The following F13A1 variants were observed in gnomAD, a reference collection of about 807,000 sequenced individuals.
F13A1 encodes coagulation factor XIII A chain.
F13A1 carries 47 observed loss-of-function variants against 80.1 expected under a neutral mutation model. The ratio of observed to expected loss-of-function variants is 0.59; its 90% CI spans 0.46 to 0.75. The LOEUF is 0.75. Among genes scored for constraint, F13A1 ranks in the 30% least tolerant of loss-of-function variants. F13A1 has a pLI of 0.00. For missense variants in F13A1, 817 were observed against 930.4 expected (o/e 0.88, Z 1.59); for synonymous variants, 349 against 344.9 (o/e 1.01, Z -0.13).
chr6:6,313,667 G>A (rs1758638838), intron 2 of F13A1, among the ~76,000 whole-genome samples: 1 of 93,810 alleles, frequency 1.1e-5, no homozygotes, highest in African/African-American at 5.3e-5. Flanking sequence ...TGCTATCCAT[G>A]AGAAACTGAT....
chr6:6,203,762 C>T (rs966225211), intron 8 of F13A1, among the ~76,000 whole-genome samples: 1 of 151,914 alleles, frequency 6.6e-6, no homozygotes, highest in Non-Finnish European at 1.5e-5. Context: ...TACTTTGGTA[C>T]TTTGGTATGC....
chr6:6,188,105 C>A (rs1453536500), intron 10 of F13A1, among the ~76,000 whole-genome samples: 2 of 151,826 alleles, frequency 1.3e-5, no homozygotes, highest in African/African-American at 4.8e-5. Flanking sequence ...CTATTTGATT[C>A]TTCTCTCTTT....
chr6:6,193,536 C>T (rs1216057624), intron 10 of F13A1, among the ~76,000 whole-genome samples: 2 of 152,180 alleles, frequency 1.3e-5, no homozygotes, highest in African/African-American at 4.8e-5. Flanking sequence ...AATGGCTCAG[C>T]CCCTGGAGCG....
rs1757615467 is a variant in F13A1, at chr6:6,250,454, C to T, written c.690+357G>A. 6.6e-6 allele frequency among the ~76,000 whole-genome samples: 1 copy of T among 151,906 alleles called. No homozygotes were observed. The highest frequency in any genetic ancestry group is 6.6e-5 in the Admixed American group (1 of 15,262). On this transcript the variant is annotated intron_variant, in intron 5 of 14. Coordinates refer to ENST00000264870, the MANE Select transcript of F13A1 (RefSeq NM_000129.4). This position sits in a 1 kb window ranked among gnomAD's most constrained non-coding sequence, Gnocchi z 4.2. ...AGCTATTTCTTTGAATTGGGCACAC[C>T]CCTTGCAGTATTCTTTGCATCACTT...
intron 6 of F13A1, among the ~76,000 whole-genome samples, chr6:6,244,559 C>G (rs999027996): frequency 3.9e-5 from 6 of 152,158 alleles, no homozygotes; most frequent in African/African-American, 1.4e-4. Flanking sequence ...TCCAGATTGT[C>G]ATAACTTTTC....
intron 8 of F13A1, among the ~76,000 whole-genome samples, chr6:6,209,177 A>G (rs1012114401): frequency 1.3e-5 from 2 of 152,156 alleles, no homozygotes; most frequent in Non-Finnish European, 1.5e-5. Flanking sequence ...GGACAAAAAT[A>G]TGAATAACCA....
intron 10 of F13A1, among the ~76,000 whole-genome samples, chr6:6,184,476 G>A (rs1050198962): frequency 6.6e-6 from 1 of 152,206 alleles, no homozygotes; most frequent in Admixed American, 6.5e-5. Context: ...GCCACATGTT[G>A]TGAAAGGCTG....
At chr6:6,146,440 G>C (rs149648845) in intron 14 of F13A1, among the ~76,000 whole-genome samples, 3 of 152,244 alleles carry the variant, frequency 2.0e-5, no homozygotes, top group East Asian at 3.9e-4. Context: ...AGCCTTTCAT[G>C]GTTCTAGTGT....
At chr6:6,159,749 A>G (rs1196794436) in intron 13 of F13A1, among the ~76,000 whole-genome samples, 3 of 152,046 alleles carry the variant, frequency 2.0e-5, no homozygotes, top group Non-Finnish European at 2.9e-5. Flanking sequence ...TTCCCCACCA[A>G]TCAGTGCTGG....
rs1171789686 is a variant in F13A1 at position 6,174,567 on chromosome 6, A to T, written c.1747+13T>A. 1.2e-6 allele frequency: 2 copies of T among 1,613,948 alleles called. No homozygotes were observed. The highest frequency in any genetic ancestry group is 2.7e-5 in the African/African-American group (2 of 74,918). ...AGCGAGTCTCAGAAAGAACCACACC[A>T]TTGTTAGCTTACAGGACAAGGGCTC... On this transcript the variant is annotated intron_variant, in intron 12 of 14. Transcript: ENST00000264870.
rs60759542 is a variant in F13A1 at position 6,200,549 on chromosome 6, T to TAAA, written c.1113-3226_1113-3224dup. 1.3e-3 allele frequency among the ~76,000 whole-genome samples: 134 copies of TAAA among 105,188 alleles called. 2 individuals are homozygous for TAAA. Among genetic ancestry groups the TAAA allele is most frequent in the Middle Eastern group, 5.6e-3 (1 of 178 alleles). 69.0% of individuals were successfully genotyped at this position (105,188 alleles called of 152,430 possible). On this transcript the variant is annotated intron_variant, in intron 8 of 14. Transcript: ENST00000264870. ...CTGGAAGACAGAGTGAGACCCTGTC[T>TAAA]AAAAAAAAAAAAAAAAAAGTGATCT...
chr6:6,183,236 T>C (rs775231261), intron 10 of F13A1, among the ~76,000 whole-genome samples: 1 of 152,206 alleles, frequency 6.6e-6, no homozygotes, highest in Non-Finnish European at 1.5e-5. Context: ...AGTTACCCAC[T>C]CTTTAAATAG....
At chr6:6,265,848 C>G (rs905269335) in intron 4 of F13A1, among the ~76,000 whole-genome samples, 3 of 152,146 alleles carry the variant, frequency 2.0e-5, no homozygotes, top group Non-Finnish European at 4.4e-5. Context: ...GTTATAGACT[C>G]TAATAGTTTT....
At chr6:6,292,278 C>T (rs1758234339) in intron 3 of F13A1, among the ~76,000 whole-genome samples, 1 of 152,166 alleles carries the variant, frequency 6.6e-6, no homozygotes, top group African/African-American at 2.4e-5. Context: ...GAATTCCAGG[C>T]ATTCTTTATC....
intron 4 of F13A1, among the ~76,000 whole-genome samples, chr6:6,257,497 G>C (rs1444324464): frequency 2.0e-5 from 3 of 152,128 alleles, no homozygotes; most frequent in Non-Finnish European, 4.4e-5. Flanking sequence ...ATAGTCAGTT[G>C]AGTTTGCTTC....
chr6:6,269,836 C>A (rs186694494), intron 3 of F13A1, among the ~76,000 whole-genome samples: 1 of 152,062 alleles, frequency 6.6e-6, no homozygotes, highest in Non-Finnish European at 1.5e-5. Flanking sequence ...GCCTCAGCCT[C>A]CCTAGTAGCT....
intron 6 of F13A1, among the ~76,000 whole-genome samples, chr6:6,238,543 T>G (rs1439291192): frequency 6.6e-6 from 1 of 152,046 alleles, no homozygotes; most frequent in Non-Finnish European, 1.5e-5. Flanking sequence ...ATTTAAAAAC[T>G]TTTGTTACTT....
intron 14 of F13A1, among the ~76,000 whole-genome samples, chr6:6,150,568 G>A (rs1192366176): frequency 6.6e-6 from 1 of 152,208 alleles, no homozygotes; most frequent in Non-Finnish European, 1.5e-5. Flanking sequence ...GCCCCAGAGG[G>A]TATAAGTGAG....
chr6:6,227,035 A>AGGCT, intron 6 of F13A1, among the ~76,000 whole-genome samples: 1 of 148,138 alleles, frequency 6.8e-6, no homozygotes, highest in South Asian at 2.3e-4. Flanking sequence ...ACAATATGGC[A>AGGCT]GGCTCTGGGA....
Sources: allele counts gnomAD v4.1 joint callset (sites outside exome capture counted in the v4.1 genomes callset), GRCh38; gene constraint gnomAD v4.1.1; non-coding constraint Gnocchi (gnomAD v3.1); transcripts MANE v1.5; gene names NCBI Gene and HGNC (gene_info 2026-07-23, HGNC 2026-07-21).